RSPO3: variants seen among roughly 807,000 people sequenced by gnomAD.
The protein encoded by RSPO3 is R-spondin-3.
RSPO3 carries 17 observed loss-of-function variants against 36.5 expected under a neutral mutation model. That is an observed-to-expected ratio of 0.47 (90% CI 0.32 to 0.70). RSPO3 has a LOEUF of 0.70. Ranked by LOEUF, RSPO3 falls within the 30% of genes least tolerant of loss-of-function variation. RSPO3 has a pLI of 0.04. For synonymous variants in RSPO3, 108 were observed against 107.0 expected (o/e 1.01, Z -0.06); for missense variants, 294 against 322.5 (o/e 0.91, Z 0.68).
At chr6:127,157,536 G>A (rs1199380449) in intron 4 of RSPO3, among the ~76,000 whole-genome samples, 1 of 151,946 alleles carries the variant, frequency 6.6e-6, no homozygotes, top group African/African-American at 2.4e-5. Flanking sequence ...AGTAACCTGT[G>A]ACATAAGATT....
chr6:127,131,104 A>G (rs184286987), intron 1 of RSPO3, among the ~76,000 whole-genome samples: 1 of 152,262 alleles, frequency 6.6e-6, no homozygotes, highest in African/African-American at 2.4e-5. Flanking sequence ...CTTTTAACAC[A>G]GATCAGTGGG....
At chr6:127,125,026 T>G (rs946554224) in intron 1 of RSPO3, among the ~76,000 whole-genome samples, 2 of 152,162 alleles carry the variant, frequency 1.3e-5, no homozygotes, top group Non-Finnish European at 2.9e-5. Flanking sequence ...TTAAATTTTA[T>G]TTTTAAAAAA....
At chr6:127,173,628 G>A (rs1310661685) in intron 4 of RSPO3, among the ~76,000 whole-genome samples, 5 of 151,758 alleles carry the variant, frequency 3.3e-5, no homozygotes, top group Non-Finnish European at 5.9e-5. Context: ...TGAATCATTG[G>A]ACATGCCAGA....
At chr6:127,130,910 T>A (rs961269112) in intron 1 of RSPO3, among the ~76,000 whole-genome samples, 2 of 152,100 alleles carry the variant, frequency 1.3e-5, no homozygotes, top group Non-Finnish European at 2.9e-5. Flanking sequence ...AAACATGGTA[T>A]CCTTAGCCCC....
intron 1 of RSPO3, among the ~76,000 whole-genome samples, chr6:127,136,904 T>G (rs2114559382): frequency 6.6e-6 from 1 of 152,270 alleles, no homozygotes; most frequent in Middle Eastern, 3.4e-3. Flanking sequence ...TGGCAGATCT[T>G]TAACGTCCTG....
intron 4 of RSPO3, chr6:127,192,767 C>T (rs527559657): frequency 2.7e-6 from 2 of 732,878 alleles, no homozygotes; most frequent in Non-Finnish European, 3.3e-6. Flanking sequence ...GCAAAGCACA[C>T]GTGTGTGTGT....
At chr6:127,144,651 T>G (rs116814201) in intron 1 of RSPO3, among the ~76,000 whole-genome samples, 2 of 101,572 alleles carry the variant, frequency 2.0e-5, no homozygotes, top group African/African-American at 3.3e-5. Flanking sequence ...TTGTTTTTTT[T>G]TTTTTCAGAC....
rs975793589 is a variant in RSPO3 at position 127,197,003 on chromosome 6, G to C, written c.*996G>C. 2 of 158,276 alleles carry C rather than the reference G, an allele frequency of 1.3e-5. No homozygotes were observed. The highest frequency in any genetic ancestry group is 4.8e-5 in the African/African-American group (2 of 41,470). 9.8% of individuals were successfully genotyped at this position (158,276 alleles called of 1,614,324 possible). On this transcript the variant is annotated 3_prime_UTR_variant, in exon 5 of 5. Coordinates refer to ENST00000356698, the MANE Select transcript of RSPO3 (RefSeq NM_032784.5). ...CAAGGTATATCTAGTAGGGGAGAAA[G>C]CCACCACAATAAATATATTTGTTAA... is the stretch of plus-strand genomic sequence containing the variant.
intron 1 of RSPO3, among the ~76,000 whole-genome samples, chr6:127,134,237 G>C (rs138589782): frequency 2.0e-5 from 3 of 152,122 alleles, no homozygotes; most frequent in Non-Finnish European, 4.4e-5. Flanking sequence ...TTAGCATGCC[G>C]TTTGTGACAA....
At chr6:127,174,993 C>A (rs75495340) in intron 4 of RSPO3, among the ~76,000 whole-genome samples, 306 of 151,700 alleles carry the variant, frequency 2.0e-3, no homozygotes, top group Non-Finnish European at 2.9e-3. Context: ...TCATTTATAT[C>A]CCTGACTTTA....
At chr6:127,120,722 A>G (rs1359619964) in intron 1 of RSPO3, among the ~76,000 whole-genome samples, 1 of 152,252 alleles carries the variant, frequency 6.6e-6, no homozygotes, top group Non-Finnish European at 1.5e-5. Flanking sequence ...TTGCCTTTTA[A>G]AAAGGTGGCA....
chr6:127,189,027 C>T (rs961959587), intron 4 of RSPO3, among the ~76,000 whole-genome samples: 5 of 152,024 alleles, frequency 3.3e-5, no homozygotes, highest in Admixed American at 6.6e-5. Flanking sequence ...TTCTAGGCAC[C>T]GTACTCTTAC....
intron 4 of RSPO3, among the ~76,000 whole-genome samples, chr6:127,180,512 A>C (rs956345095): frequency 6.7e-6 from 1 of 150,304 alleles, no homozygotes; most frequent in Non-Finnish European, 1.5e-5. Context: ...AAAAAAAAAA[A>C]AAACCACCAG....
At chr6:127,138,866 T>G (rs1183945608) in intron 1 of RSPO3, among the ~76,000 whole-genome samples, 1 of 152,200 alleles carries the variant, frequency 6.6e-6, no homozygotes, top group Non-Finnish European at 1.5e-5. Context: ...TATTGGTAAC[T>G]CAGCTAGAAA....
rs1272516796 is a variant in RSPO3 at position 127,198,674 on chromosome 6, T to C, written c.*2667T>C. 1.3e-5 allele frequency among the ~76,000 whole-genome samples: 2 copies of C among 152,212 alleles called. No homozygotes were observed. The highest frequency in any genetic ancestry group is 3.9e-4 in the East Asian group (2 of 5,194). ...TAATTAAGGGAAGGCCTGTTTTCTA[T>C]CCTCAGATTTAGGTTCTAGTAGCAG... On this transcript the variant is annotated 3_prime_UTR_variant, in exon 5 of 5. Coordinates refer to ENST00000356698, the MANE Select transcript of RSPO3 (RefSeq NM_032784.5).
chr6:127,189,294 T>C (rs1409219370), intron 4 of RSPO3, among the ~76,000 whole-genome samples: 2 of 151,586 alleles, frequency 1.3e-5, no homozygotes, highest in Non-Finnish European at 2.9e-5. Context: ...GGCCAGATAA[T>C]TCAACAGTAA....
intron 4 of RSPO3, among the ~76,000 whole-genome samples, chr6:127,174,818 AT>A (rs1377707291): frequency 2.6e-5 from 4 of 151,712 alleles, no homozygotes; most frequent in East Asian, 1.9e-4. Flanking sequence ...GATATAAGAG[AT>A]TTTCATTTGA....
chr6:127,118,689 C>A lies in RSPO3; in HGVS notation c.-504C>A. Reference sequence around the variant, plus strand: ...GCCCAACACTGGAGCGTCTCCTGCTCGCGCACGCCAGAAGCAGCTCGGGGT... The same window carrying A: ...GCCCAACACTGGAGCGTCTCCTGCTAGCGCACGCCAGAAGCAGCTCGGGGT... On this transcript the variant is annotated 5_prime_UTR_variant, in exon 1 of 5. Coordinates refer to ENST00000356698, the MANE Select transcript of RSPO3 (RefSeq NM_032784.5). The A allele has an allele frequency of 6.6e-6, 1 of 151,128 alleles. No homozygotes were observed. Among genetic ancestry groups the A allele is most frequent in the South Asian group, 1.8e-4 (1 of 5,494 alleles). The allele number at this position is 151,128 out of a possible 1,614,324, so 9.4% of individuals were successfully genotyped here. A position where few individuals can be genotyped will look rare whatever the true frequency, so the allele number is the denominator to read the frequency against.
At chr6:127,145,519 ATCT>A (rs1280255501) in intron 1 of RSPO3, among the ~76,000 whole-genome samples, 2 of 151,974 alleles carry the variant, frequency 1.3e-5, no homozygotes, top group Admixed American at 6.6e-5. Flanking sequence ...TATACTTCCA[ATCT>A]TCTTGTTATT....
Sources: gnomAD v4.1 joint callset for allele counts (sites outside exome capture counted in the v4.1 genomes callset) on GRCh38, gnomAD v4.1.1 for gene constraint, MANE v1.5 for transcripts, NCBI Gene and HGNC (gene_info 2026-07-23, HGNC 2026-07-21) for gene names.